The following NSDHL variants were observed in gnomAD, a reference collection of about 807,000 sequenced individuals.
The protein encoded by NSDHL is NAD(P) dependent 3-beta-hydroxysteroid dehydrogenase NSDHL.
NSDHL carries 1 observed loss-of-function variant against 23.0 expected under a neutral mutation model. The ratio of observed to expected loss-of-function variants is 0.04; its 90% CI spans 0.02 to 0.21. The LOEUF is 0.21. NSDHL is among the 10% of genes least tolerant of loss of function. The probability of loss-of-function intolerance (pLI) is 1.00; values close to 1 mark genes in which losing one functional copy is unlikely to be tolerated. For missense variants in NSDHL, 237 were observed against 300.9 expected (o/e 0.79, Z 1.57); for synonymous variants, 128 against 121.1 (o/e 1.06, Z -0.37).
intron 4 of NSDHL, among the ~76,000 whole-genome samples, chrX:152,861,345 T>C (rs1556847491): frequency 8.8e-6 from 1 of 113,050 alleles, no homozygotes; most frequent in African/African-American, 3.2e-5. Context: ...GTTTGTGTCT[T>C]ACATGGGCCT....
At chrX:152,862,379 A>C (rs1243624107) in intron 4 of NSDHL, among the ~76,000 whole-genome samples, 2 of 112,518 alleles carry the variant, frequency 1.8e-5, no homozygotes, top group Non-Finnish European at 3.8e-5. Context: ...AATGTAATAC[A>C]TAGTGTGTCT....
At chrX:152,836,221 G>A (rs1352510383) in intron 1 of NSDHL, among the ~76,000 whole-genome samples, 2 of 112,083 alleles carry the variant, frequency 1.8e-5, no homozygotes, top group Non-Finnish European at 3.8e-5. Context: ...CAGATGGGTA[G>A]ATTGCAAACA....
At chrX:152,854,996 CTTTTTTTT>C (rs138412629) in intron 3 of NSDHL, among the ~76,000 whole-genome samples, 1 of 98,812 alleles carries the variant, frequency 1.0e-5, no homozygotes, top group South Asian at 4.4e-4. Flanking sequence ...TTACATAACA[CTTTTTTTT>C]TTTTTTTTGA....
intron 3 of NSDHL, among the ~76,000 whole-genome samples, chrX:152,853,127 A>ATGTGTGTG (rs1933383125): frequency 3.2e-5 from 1 of 31,166 alleles, no homozygotes; most frequent in Admixed American, 5.3e-4. Flanking sequence ...TCTCTCAGGC[A>ATGTGTGTG]CGTGTGTGTG....
chrX:152,838,601 G>T (rs1933139324), intron 1 of NSDHL, among the ~76,000 whole-genome samples: 1 of 112,073 alleles, frequency 8.9e-6, no homozygotes, highest in Admixed American at 9.5e-5. Flanking sequence ...TCATGTAGTT[G>T]TGCAGTTTTT....
chrX:152,840,744 G>A (rs111692035), intron 1 of NSDHL, among the ~76,000 whole-genome samples: 3,066 of 112,466 alleles, frequency 0.027, 97 homozygotes, highest in African/African-American at 0.094. Context: ...GGTGTCTCCA[G>A]TTAGGCTACA....
At chrX:152,854,333 A>G (rs1933406272) in intron 3 of NSDHL, among the ~76,000 whole-genome samples, 1 of 112,285 alleles carries the variant, frequency 8.9e-6, no homozygotes, top group Admixed American at 9.4e-5. Context: ...GGATCATGAA[A>G]TCTAAGCTAA....
intron 1 of NSDHL, among the ~76,000 whole-genome samples, chrX:152,839,695 T>A (rs782065473): frequency 4.4e-5 from 5 of 112,936 alleles, no homozygotes; most frequent in African/African-American, 1.3e-4. Context: ...CTTCCCTTTG[T>A]CGGTAACCCG....
At chrX:152,855,239 C>T (rs1933426054) in intron 3 of NSDHL, among the ~76,000 whole-genome samples, 1 of 110,574 alleles carries the variant, frequency 9.0e-6, no homozygotes, top group Admixed American at 9.6e-5. Flanking sequence ...AAGTGATCCA[C>T]CCGCCTCGGC....
intron 7 of NSDHL, among the ~76,000 whole-genome samples, chrX:152,868,475 A>C (rs1349382670): frequency 1.8e-5 from 2 of 112,236 alleles, no homozygotes; most frequent in Admixed American, 1.9e-4. Flanking sequence ...CACCGTCAAG[A>C]AATGTAATAT....
intron 1 of NSDHL, among the ~76,000 whole-genome samples, chrX:152,836,131 C>T (rs1281218632): frequency 8.9e-6 from 1 of 112,007 alleles, no homozygotes; most frequent in African/African-American, 3.3e-5. Flanking sequence ...TATCCTTTGC[C>T]CACTTTTTGA....
chrX:152,861,589 A>C (rs1216562284), intron 4 of NSDHL, among the ~76,000 whole-genome samples: 1 of 112,915 alleles, frequency 8.9e-6, no homozygotes, highest in Non-Finnish European at 1.9e-5. Context: ...CTTGTAGGTA[A>C]TTTTGGAGAG....
At chrX:152,851,656 T>C (rs1202552443) in intron 3 of NSDHL, among the ~76,000 whole-genome samples, 2 of 110,752 alleles carry the variant, frequency 1.8e-5, no homozygotes, top group African/African-American at 3.3e-5. Context: ...CGAACCGTTC[T>C]CCCTCATGCT....
intron 3 of NSDHL, among the ~76,000 whole-genome samples, chrX:152,853,765 C>G (rs1188604615): frequency 8.9e-6 from 1 of 112,367 alleles, no homozygotes; most frequent in Non-Finnish European, 1.9e-5. Context: ...GTCAGGAATG[C>G]TCTTCCTGAA....
chrX:152,841,204 A>G (rs990773783), intron 1 of NSDHL, among the ~76,000 whole-genome samples: 16 of 112,767 alleles, frequency 1.4e-4, no homozygotes, highest in African/African-American at 4.8e-4. Flanking sequence ...TTCCAGGTAC[A>G]GTCTGTCACG....
Position 152,869,386 on chromosome X carries a change from C to T in NSDHL, c.*270C>T, listed in dbSNP as rs1311054530. The stretch of plus-strand genomic sequence containing the variant: ...GTCTTTTTGTGTCTCTCTGTTTACC[C>T]CCTCCCTTGCCCCCTCTTCTGGTTT... On this transcript the variant is annotated 3_prime_UTR_variant, in exon 8 of 8. Coordinates refer to ENST00000370274, the MANE Select transcript of NSDHL (RefSeq NM_015922.3). The T allele has an allele frequency of 7.8e-6, 3 of 385,428 alleles. No individual in the cohort carries two copies. The highest frequency in any genetic ancestry group is 1.4e-5 in the Non-Finnish European group (3 of 216,612). 31.8% of individuals were successfully genotyped at this position (385,428 alleles called of 1,213,427 possible). A position where few individuals can be genotyped will look rare whatever the true frequency, so the allele number is the denominator to read the frequency against.
chrX:152,847,579 C>T (rs1933293356), intron 2 of NSDHL, among the ~76,000 whole-genome samples: 1 of 111,868 alleles, frequency 8.9e-6, no homozygotes, highest in African/African-American at 3.3e-5. Flanking sequence ...AGCAAACTGC[C>T]ATTTTCAGCT....
intron 7 of NSDHL, 70 bp downstream of exon 7, chrX:152,867,743 G>T (rs1556848269): frequency 1.0e-5 from 8 of 790,526 alleles, no homozygotes; most frequent in Non-Finnish European, 1.2e-5. Context: ...CATTGGATTT[G>T]CTGGCAAGTT....
rs1176110143 is a variant in NSDHL at position 152,846,144 on chromosome X, T to C, written c.-43-138T>C. On this transcript the variant is annotated intron_variant, in intron 1 of 7. Transcript: ENST00000370274. ...ATCCCAGCTACTCAGGAGCCTAGTG[T>C]CTTGTCGAACAGCTGTCGCTATGGT... 1.5e-5 allele frequency: 7 copies of C among 481,681 alleles called. No homozygotes were observed. The East Asian group carries it at 2.6e-4, about 18-fold the overall frequency. 39.7% of individuals were successfully genotyped at this position (481,681 alleles called of 1,213,427 possible).
Sources: gnomAD v4.1 joint callset for allele counts (sites outside exome capture counted in the v4.1 genomes callset) on GRCh38, gnomAD v4.1.1 for gene constraint, MANE v1.5 for transcripts, NCBI Gene and HGNC (gene_info 2026-07-23, HGNC 2026-07-21) for gene names.